MYO5B: variants seen among roughly 807,000 people sequenced by gnomAD.
MYO5B encodes unconventional myosin-Vb.
A neutral mutation model predicts 229.3 loss-of-function variants in MYO5B; 143 were observed. The observed-to-expected ratio is 0.62, with a 90% CI of 0.54 to 0.72. MYO5B has a LOEUF of 0.72. MYO5B is among the 30% of genes least tolerant of loss of function. The probability of loss-of-function intolerance (pLI) is 0.00; values close to 1 mark genes in which losing one functional copy is unlikely to be tolerated. For synonymous variants in MYO5B, 918 were observed against 885.2 expected (o/e 1.04, Z -0.66); for missense variants, 2,321 against 2,331.0 (o/e 1.00, Z 0.09).
chr18:49,850,696 TCTC>T (rs1401089761), intron 31 of MYO5B: 2 of 152,068 alleles, frequency 1.3e-5, no homozygotes, highest in Non-Finnish European at 2.9e-5. Flanking sequence ...CTACCGAAGG[TCTC>T]CTGTGAACCC....
At position 50,056,287 on chromosome 18, in the gene MYO5B, A is replaced by AC. The variant is rs1598986936; in HGVS notation, c.28-910_28-909insG. ...GTTCCCAGCCCTACTTGCAGTCAGA[A>AC]TCACCTGGGGAGCCTGGAAAATATC... On this transcript the variant is annotated intron_variant, in intron 1 of 39. Coordinates refer to ENST00000285039, the MANE Select transcript of MYO5B (RefSeq NM_001080467.3). Among the ~76,000 whole-genome samples the AC allele has an allele frequency of 2.0e-5, 3 of 152,310 alleles. No individual in the cohort carries two copies. The East Asian group carries it at 5.8e-4, about 29-fold the overall frequency.
chr18:49,888,388 T>G (rs1381302779), intron 22 of MYO5B, among the ~76,000 whole-genome samples: 1 of 152,064 alleles, frequency 6.6e-6, no homozygotes, highest in Non-Finnish European at 1.5e-5. Flanking sequence ...GAAGGTAGCC[T>G]CAGGGTCCAT....
At chr18:49,984,615 G>T (rs750060264) in intron 8 of MYO5B, 103 bp downstream of exon 8, 29 of 873,456 alleles carry the variant, frequency 3.3e-5, no homozygotes, top group Non-Finnish European at 5.5e-5. Flanking sequence ...TCTCCCATTA[G>T]CTCCTGCAGG....
chr18:49,894,855 C>A (rs2024759178), intron 22 of MYO5B, 86 bp downstream of exon 22: 2 of 1,186,798 alleles, frequency 1.7e-6, no homozygotes, highest in East Asian at 2.4e-5. Flanking sequence ...AATTTTACCA[C>A]TTGAAGCAGC....
intron 1 of MYO5B, among the ~76,000 whole-genome samples, chr18:50,112,861 C>T (rs4939939): frequency 0.37 from 55,706 of 151,966 alleles, 10,465 homozygotes; most frequent in Admixed American, 0.48. Flanking sequence ...AACACAGCAA[C>T]GTATTTTAAA....
At position 50,102,224 on chromosome 18, in the gene MYO5B, G is replaced by A. The variant is rs77955041; in HGVS notation, c.28-46846C>T. Among the ~76,000 whole-genome samples, 147 of 152,226 alleles carry A rather than the reference G, an allele frequency of 9.7e-4. 1 individual carries two copies. In the East Asian group the frequency reaches 0.027, roughly 28 times the overall value. The stretch of plus-strand genomic sequence containing the variant: ...CTAGAACAGATGGACACAAGGAGGG[G>A]AACAACATACACTGAGAACTGTTGT... On this transcript the variant is annotated intron_variant, in intron 1 of 39. Coordinates refer to ENST00000285039, the MANE Select transcript of MYO5B (RefSeq NM_001080467.3).
chr18:50,146,161 A>C (rs1454316945), intron 1 of MYO5B, among the ~76,000 whole-genome samples: 1 of 152,218 alleles, frequency 6.6e-6, no homozygotes. Flanking sequence ...TCTAACCCCT[A>C]GCAGGTTGAT....
At chr18:50,131,340 A>G (rs2032251243) in intron 1 of MYO5B, among the ~76,000 whole-genome samples, 2 of 152,286 alleles carry the variant, frequency 1.3e-5, no homozygotes, top group Admixed American at 1.3e-4. Context: ...CCATCCAAGC[A>G]CATTTGTACC....
intron 1 of MYO5B, among the ~76,000 whole-genome samples, chr18:50,132,322 G>A (rs2032267120): frequency 6.6e-6 from 1 of 152,182 alleles, no homozygotes. Flanking sequence ...TCTTAGCTGT[G>A]TGACCTTATC....
At chr18:50,117,276 A>G (rs1162573964) in intron 1 of MYO5B, among the ~76,000 whole-genome samples, 2 of 146,850 alleles carry the variant, frequency 1.4e-5, no homozygotes, top group Non-Finnish European at 3.0e-5. Flanking sequence ...ATTCTCATTT[A>G]AAAAAAAAAA....
chr18:49,960,974 CAA>C (rs1198424396), intron 12 of MYO5B, among the ~76,000 whole-genome samples: 1 of 152,184 alleles, frequency 6.6e-6, no homozygotes, highest in Non-Finnish European at 1.5e-5. Flanking sequence ...GGGTTGGACA[CAA>C]GACATGGCGC....
At chr18:49,940,167 C>A (rs1193938912) in intron 14 of MYO5B, among the ~76,000 whole-genome samples, 3 of 152,164 alleles carry the variant, frequency 2.0e-5, no homozygotes, top group African/African-American at 7.2e-5. Context: ...CAAAATAATT[C>A]ACTATTCTAG....
intron 1 of MYO5B, among the ~76,000 whole-genome samples, chr18:50,074,258 GC>G (rs2031026148): frequency 6.6e-6 from 1 of 152,120 alleles, no homozygotes. Flanking sequence ...GGAAAGACCA[GC>G]CCCCATGCTC....
At chr18:50,176,782 G>C (rs1179390265) in intron 1 of MYO5B, among the ~76,000 whole-genome samples, 1 of 152,224 alleles carries the variant, frequency 6.6e-6, no homozygotes, top group Non-Finnish European at 1.5e-5. Flanking sequence ...AAAATCAACA[G>C]CACTATCCTT....
chr18:50,073,511 C>G (rs994258284), intron 1 of MYO5B, among the ~76,000 whole-genome samples: 1 of 152,162 alleles, frequency 6.6e-6, no homozygotes, highest in African/African-American at 2.4e-5. Flanking sequence ...CCCTGGCTCC[C>G]CTCGTCCATG....
intron 2 of MYO5B, among the ~76,000 whole-genome samples, chr18:50,052,914 A>G (rs958186778): frequency 1.3e-5 from 2 of 152,188 alleles, no homozygotes; most frequent in East Asian, 1.9e-4. Context: ...TTCCTGGAAG[A>G]TAATCTAACT....
At chr18:49,867,039 C>A (rs498209) in intron 27 of MYO5B, among the ~76,000 whole-genome samples, 2 of 150,994 alleles carry the variant, frequency 1.3e-5, no homozygotes, top group African/African-American at 4.9e-5. Flanking sequence ...CAGAGCAGAG[C>A]TGGTGGGGGT....
At chr18:49,977,748 A>G (rs928682790) in intron 9 of MYO5B, among the ~76,000 whole-genome samples, 9 of 152,132 alleles carry the variant, frequency 5.9e-5, no homozygotes, top group African/African-American at 2.2e-4. Flanking sequence ...TCCCCTGTAC[A>G]GCAAGAGGGA....
chr18:49,843,222 T>C lies in MYO5B; in HGVS notation c.4611+19A>G. The C allele has an allele frequency of 1.2e-6, 2 of 1,613,286 alleles. No homozygotes were observed. Among genetic ancestry groups the C allele is most frequent in the Non-Finnish European group, 1.7e-6 (2 of 1,179,950 alleles). On this transcript the variant is annotated intron_variant, in intron 34 of 39. Coordinates refer to ENST00000285039, the MANE Select transcript of MYO5B (RefSeq NM_001080467.3). The stretch of plus-strand genomic sequence containing the variant: ...ACTCTACCCACCACAAACCATGACC[T>C]TCTGCAGGGGCTGCTTACTTTCAGG...
Sources: allele counts gnomAD v4.1 joint callset (sites outside exome capture counted in the v4.1 genomes callset), GRCh38; gene constraint gnomAD v4.1.1; transcripts MANE v1.5; gene names NCBI Gene and HGNC (gene_info 2026-07-23, HGNC 2026-07-21).